Variants in METTL8 observed in about 807,000 individuals in gnomAD.
METTL8 encodes methyltransferase 8, tRNA N3-cytidine.
In METTL8, 32 loss-of-function variants were observed where a neutral mutation model predicts 48.7. The observed-to-expected ratio is 0.66, with a 90% CI of 0.50 to 0.88. METTL8 has a LOEUF of 0.88. Ranked by LOEUF, METTL8 falls within the 40% of genes least tolerant of loss-of-function variation. METTL8 has a pLI of 0.00. For missense variants in METTL8, 464 were observed against 474.4 expected, an observed-to-expected ratio of 0.98 and a Z score of 0.20; for synonymous variants, 136 against 157.1, an observed-to-expected ratio of 0.87 and a Z score of 1.01.
Position 171,339,347 on chromosome 2 carries a change from G to T in METTL8, c.443C>A (p.Thr148Asn), listed in dbSNP as rs1263411004. ...TNRFSRMHCPTVPDEKNHYEK... is the reference protein window; with the variant it reads ...TNRFSRMHCPNVPDEKNHYEK... ...ATAATGATTTTTTTCATCAGGCACA[G>T]TAGGACAGTGCATTCTTGAGAAACG... Residue 148 changes from threonine to asparagine, a missense_variant, in exon 4 of 10, where the codon ACT (threonine) becomes AAT (asparagine). Thr to Asn is a moderately conservative substitution (Grantham distance 65, BLOSUM62 0). Coordinates refer to ENST00000375258, the MANE Select transcript of METTL8 (RefSeq NM_001321154.2). 18 of 1,613,218 alleles carry T rather than the reference G, an allele frequency of 1.1e-5. No homozygotes were observed. Among genetic ancestry groups the T allele is most frequent in the Non-Finnish European group, 1.4e-5 (17 of 1,179,584 alleles).
intron 1 of METTL8, among the ~76,000 whole-genome samples, chr2:171,393,407 C>A (rs200221655): frequency 9.3e-3 from 973 of 104,126 alleles, no homozygotes; most frequent in Admixed American, 0.01. Flanking sequence ...TATAAAAAAG[C>A]AAAAAAAAAA....
At chr2:171,338,653 A>T (rs1686378922) in intron 4 of METTL8, among the ~76,000 whole-genome samples, 1 of 151,940 alleles carries the variant, frequency 6.6e-6, no homozygotes, top group South Asian at 2.1e-4. Context: ...AAAAAAAAAA[A>T]AAAGAAGAAA....
chr2:171,427,191 C>G (rs1692504598), intron 1 of METTL8, among the ~76,000 whole-genome samples: 1 of 152,176 alleles, frequency 6.6e-6, no homozygotes, highest in South Asian at 2.1e-4. Flanking sequence ...GTCCTATCAA[C>G]TCTACTTCCA....
chr2:171,384,039 G>A (rs1687816964), intron 2 of METTL8, among the ~76,000 whole-genome samples: 1 of 152,158 alleles, frequency 6.6e-6, no homozygotes, highest in Non-Finnish European at 1.5e-5. Flanking sequence ...CAGCCCAAAT[G>A]TCTATCAGTA....
At chr2:171,434,155 G>A, upstream of METTL8, 1 of 350,744 alleles carries the variant, frequency 2.9e-6, no homozygotes, top group Non-Finnish European at 5.7e-6. Flanking sequence ...AGGAGGCGGG[G>A]CCGCGGCAGG....
intron 3 of METTL8, among the ~76,000 whole-genome samples, chr2:171,357,420 A>C (rs1231298957): frequency 6.6e-6 from 1 of 152,226 alleles, no homozygotes; most frequent in Admixed American, 6.5e-5. Context: ...CAAGAAAGCA[A>C]TCCCATTTCC....
intron 1 of METTL8, among the ~76,000 whole-genome samples, chr2:171,424,789 A>G (rs1332335857): frequency 1.3e-5 from 2 of 152,214 alleles, no homozygotes; most frequent in Admixed American, 6.5e-5. Context: ...TAATGCTGGA[A>G]TAAGACTTTG....
At chr2:171,398,280 T>C (rs1298387270) in intron 1 of METTL8, among the ~76,000 whole-genome samples, 1 of 152,174 alleles carries the variant, frequency 6.6e-6, no homozygotes, top group East Asian at 1.9e-4. Context: ...CAAAATGTGA[T>C]ACATACATAC....
chr2:171,424,070 C>T (rs1181165326), intron 1 of METTL8, among the ~76,000 whole-genome samples: 1 of 152,216 alleles, frequency 6.6e-6, no homozygotes, highest in African/African-American at 2.4e-5. Flanking sequence ...CAGGCCATGG[C>T]TTCAGAGGGG....
intron 2 of METTL8, among the ~76,000 whole-genome samples, chr2:171,390,870 T>G (rs887024221): frequency 2.0e-5 from 3 of 152,014 alleles, no homozygotes; most frequent in Admixed American, 1.3e-4. Context: ...AACAAAGAAT[T>G]TAGACAAAAT....
Position 171,392,096 on chromosome 2 carries a change from A to G in METTL8, c.90T>C (p.Pro30=). The part of the protein sequence containing the change: ...RYQSGYHPVA[P]LGSRILTDPA... ...GGTCAGTTAAAATCCTTGATCCCAG[A>G]GGGGCCACTGGGTGGTAACCACTTT... The change falls in exon 2 of 10, where the codon CCT becomes CCC. Residue 30 remains proline, a synonymous_variant. Coordinates refer to ENST00000375258, the MANE Select transcript of METTL8 (RefSeq NM_001321154.2). The G allele has an allele frequency of 6.4e-7, 1 of 1,551,604 alleles. No individual in the cohort carries two copies. Among genetic ancestry groups the G allele is most frequent in the Non-Finnish European group, 8.7e-7 (1 of 1,146,874 alleles).
At chr2:171,346,318 C>T (rs949372706) in intron 3 of METTL8, among the ~76,000 whole-genome samples, 2 of 152,222 alleles carry the variant, frequency 1.3e-5, no homozygotes, top group African/African-American at 2.4e-5. Flanking sequence ...TGAGCCACCA[C>T]ATCCGGTCCC....
chr2:171,370,434 G>A (rs1467120110), intron 2 of METTL8, among the ~76,000 whole-genome samples: 3 of 152,138 alleles, frequency 2.0e-5, no homozygotes, highest in Non-Finnish European at 2.9e-5. Context: ...CCTGATGTAT[G>A]GCAGTGGAAA....
chr2:171,321,000 C>G lies in METTL8; in HGVS notation c.*3172G>C, dbSNP rs906776910. On this transcript the variant is annotated 3_prime_UTR_variant, in exon 10 of 10. Coordinates refer to ENST00000375258, the MANE Select transcript of METTL8 (RefSeq NM_001321154.2). The stretch of plus-strand genomic sequence containing the variant: ...CCCCCTTCCCATCTTTTCTACCTAT[C>G]CCTCATCATTAATGTCCCACACCAC... 1.3e-5 allele frequency: 2 copies of G among 152,156 alleles called. No homozygotes were observed. The highest frequency in any genetic ancestry group is 1.3e-4 in the Admixed American group (2 of 15,278). 9.4% of individuals were successfully genotyped at this position (152,156 alleles called of 1,614,324 possible). A position where few individuals can be genotyped will look rare whatever the true frequency, so the allele number is the denominator to read the frequency against.
At chr2:171,370,162 C>A (rs1156506035) in intron 2 of METTL8, among the ~76,000 whole-genome samples, 1 of 151,886 alleles carries the variant, frequency 6.6e-6, no homozygotes, top group Non-Finnish European at 1.5e-5. Flanking sequence ...AATAAACAGA[C>A]AACCAAACAA....
At chr2:171,325,333 G>A (rs967141201) in intron 9 of METTL8, among the ~76,000 whole-genome samples, 10 of 151,998 alleles carry the variant, frequency 6.6e-5, no homozygotes, top group Non-Finnish European at 1.2e-4. Flanking sequence ...CTACAGGTAT[G>A]CACCACCAGA....
At chr2:171,431,762 T>A (rs1331021832) in intron 1 of METTL8, among the ~76,000 whole-genome samples, 1 of 151,640 alleles carries the variant, frequency 6.6e-6, no homozygotes, top group Non-Finnish European at 1.5e-5. Flanking sequence ...TGGGCGGGAG[T>A]GGGGTAACAG....
intron 5 of METTL8, among the ~76,000 whole-genome samples, chr2:171,336,233 T>C (rs1426490503): frequency 4.9e-4 from 71 of 144,306 alleles, no homozygotes; most frequent in East Asian, 1.9e-3. Flanking sequence ...GTAGCTGGGA[T>C]TACAGGCGCC....
intron 1 of METTL8, among the ~76,000 whole-genome samples, chr2:171,395,196 A>G (rs548639580): frequency 3.9e-5 from 6 of 152,362 alleles, no homozygotes; most frequent in African/African-American, 9.6e-5. Flanking sequence ...ATTGCACAAC[A>G]AAACTGTGTG....
Sources: allele counts gnomAD v4.1 joint callset (sites outside exome capture counted in the v4.1 genomes callset), GRCh38; gene constraint gnomAD v4.1.1; transcripts MANE v1.5; gene names NCBI Gene and HGNC (gene_info 2026-07-23, HGNC 2026-07-21).